NOX4: variants seen among roughly 807,000 people sequenced by gnomAD.
NOX4 encodes the protein NADPH oxidase 4.
A neutral mutation model predicts 87.6 loss-of-function variants in NOX4; 69 were observed. That is an observed-to-expected ratio of 0.79 (90% CI 0.65 to 0.96). The LOEUF (loss-of-function observed/expected upper bound fraction) is 0.96, where lower values mean the gene tolerates loss of function less well. NOX4 is among the 40% of genes least tolerant of loss of function. The pLI is 0.00. For synonymous variants in NOX4, 275 were observed against 238.2 expected (o/e 1.15, Z -1.42); for missense variants, 680 against 681.5 (o/e 1.00, Z 0.02).
At chr11:89,398,948 C>A (rs1941661459) in intron 11 of NOX4, among the ~76,000 whole-genome samples, 1 of 151,672 alleles carries the variant, frequency 6.6e-6, no homozygotes, top group African/African-American at 2.4e-5. Context: ...TATGATCCAG[C>A]AAATAAATGT....
At chr11:89,348,842 G>T (rs1946328056) in intron 13 of NOX4, among the ~76,000 whole-genome samples, 1 of 152,162 alleles carries the variant, frequency 6.6e-6, no homozygotes, top group Non-Finnish European at 1.5e-5. Flanking sequence ...TTTGGGTAGG[G>T]CATTTACCTC....
chr11:89,479,813 T>C (rs1317185408), intron 2 of NOX4, among the ~76,000 whole-genome samples: 3 of 152,210 alleles, frequency 2.0e-5, no homozygotes, highest in African/African-American at 4.8e-5. Flanking sequence ...TAACTTTTTA[T>C]CGCATTGCTC....
intron 13 of NOX4, among the ~76,000 whole-genome samples, chr11:89,351,761 A>AG (rs1488532513): frequency 2.0e-5 from 3 of 152,128 alleles, no homozygotes; most frequent in Non-Finnish European, 4.4e-5. Context: ...AGCCCACCAG[A>AG]GAAAAAAAAA....
the NOX4 span, chr11:89,548,862 G>A: frequency 8.5e-5 from 13 of 152,074 alleles, no homozygotes. Context: ...GCTATCTGGA[G>A]ACACCAGCAG....
rs746473596 is a variant in NOX4 at position 89,400,091 on chromosome 11, C to T, written c.1012-12G>A. ...TGTAGAGTAATATACTAAAAAGCAACAAACAGATAAGTTTTAAATGACCAA... is the reference window on the plus strand; with the variant it reads ...TGTAGAGTAATATACTAAAAAGCAATAAACAGATAAGTTTTAAATGACCAA... On this transcript the variant is annotated splice_polypyrimidine_tract_variant and intron_variant, in intron 10 of 17. Transcript: ENST00000263317. 150 of 1,596,942 alleles carry T rather than the reference C, an allele frequency of 9.4e-5. 1 individual carries two copies. In the Middle Eastern group the frequency reaches 6.7e-3, roughly 72 times the overall value.
chr11:89,574,462 C>T, the NOX4 span, among the ~76,000 whole-genome samples: 7 of 152,132 alleles, frequency 4.6e-5, no homozygotes, highest in South Asian at 4.1e-4. Flanking sequence ...GGTATTGAAG[C>T]CATAATTATT....
At chr11:89,583,426 A>G in the NOX4 span, among the ~76,000 whole-genome samples, 4 of 152,332 alleles carry the variant, frequency 2.6e-5, no homozygotes, top group South Asian at 8.3e-4. Flanking sequence ...ATAACTCTTT[A>G]AAAGTAAAAT....
At chr11:89,536,231 C>T in the NOX4 span, among the ~76,000 whole-genome samples, 1 of 148,804 alleles carries the variant, frequency 6.7e-6, no homozygotes, top group Admixed American at 6.8e-5. Flanking sequence ...ACTGCAAGCT[C>T]CGCCTCCCGG....
chr11:89,582,304 T>TA, the NOX4 span, among the ~76,000 whole-genome samples: 1 of 152,186 alleles, frequency 6.6e-6, no homozygotes, highest in African/African-American at 2.4e-5. Context: ...ATTTAGGTTT[T>TA]TTCCATATTG....
chr11:89,406,506 T>C (rs1389951726), intron 8 of NOX4, among the ~76,000 whole-genome samples: 1 of 152,172 alleles, frequency 6.6e-6, no homozygotes, highest in East Asian at 1.9e-4. Context: ...CACTGTGATA[T>C]ACCTCATTTA....
chr11:89,454,183 T>G (rs1303353579), intron 2 of NOX4, among the ~76,000 whole-genome samples: 1 of 152,172 alleles, frequency 6.6e-6, no homozygotes, highest in East Asian at 1.9e-4. Flanking sequence ...GAATTTTTTA[T>G]GTTTTAACCT....
intron 2 of NOX4, among the ~76,000 whole-genome samples, chr11:89,489,498 CA>C (rs113209494): frequency 2.0e-5 from 3 of 152,110 alleles, no homozygotes; most frequent in African/African-American, 7.2e-5. Context: ...GAGGCTGAGG[CA>C]GGCGGATCAC....
At chr11:89,417,672 T>C (rs993183868) in intron 8 of NOX4, among the ~76,000 whole-genome samples, 2 of 152,140 alleles carry the variant, frequency 1.3e-5, no homozygotes, top group Non-Finnish European at 2.9e-5. Flanking sequence ...TGTGTCTTTA[T>C]CAAAAAACCT....
intron 6 of NOX4, among the ~76,000 whole-genome samples, chr11:89,433,919 G>A (rs916289945): frequency 6.6e-6 from 1 of 151,930 alleles, no homozygotes; most frequent in Non-Finnish European, 1.5e-5. Context: ...CTTTAGTATT[G>A]TATTATTACA....
chr11:89,467,219 C>T lies in NOX4; in HGVS notation c.154-15324G>A, dbSNP rs943430111. ...CAAAAAAATTAGCTGGGCCTAGTGG[C>T]GGGCGCCTGTAGTCCCAGCTACTAG... is the stretch of plus-strand genomic sequence containing the variant. On this transcript the variant is annotated intron_variant, in intron 2 of 17. Coordinates refer to ENST00000263317, the MANE Select transcript of NOX4 (RefSeq NM_016931.5). 1.8e-4 allele frequency among the ~76,000 whole-genome samples: 27 copies of T among 151,260 alleles called. 1 individual carries two copies. The highest frequency in any genetic ancestry group is 1.4e-3 in the Admixed American group (21 of 15,206).
chr11:89,505,222 TTAA>T, the NOX4 span, among the ~76,000 whole-genome samples: 1 of 151,916 alleles, frequency 6.6e-6, no homozygotes, highest in African/African-American at 2.4e-5. Flanking sequence ...TTAGAAATCA[TTAA>T]TGTCTGTCTT....
intron 7 of NOX4, among the ~76,000 whole-genome samples, chr11:89,425,636 A>C (rs1454508422): frequency 6.6e-6 from 1 of 152,046 alleles, no homozygotes; most frequent in South Asian, 2.1e-4. Flanking sequence ...TATGTATATA[A>C]GAGAGAAAAA....
At chr11:89,365,776 A>G (rs1028196984) in intron 12 of NOX4, among the ~76,000 whole-genome samples, 1 of 149,982 alleles carries the variant, frequency 6.7e-6, no homozygotes, top group Non-Finnish European at 1.5e-5. Context: ...AAAAAAAAAA[A>G]CAGGAGATTT....
At chr11:89,425,187 T>A (rs978569947) in intron 7 of NOX4, among the ~76,000 whole-genome samples, 1 of 152,026 alleles carries the variant, frequency 6.6e-6, no homozygotes, top group African/African-American at 2.4e-5. Context: ...GATTCCTCTA[T>A]CTAAATAAAA....
Sources: gnomAD v4.1 joint callset for allele counts (sites outside exome capture counted in the v4.1 genomes callset) on GRCh38, gnomAD v4.1.1 for gene constraint, MANE v1.5 for transcripts, NCBI Gene and HGNC (gene_info 2026-07-23, HGNC 2026-07-21) for gene names.